The following PIGN variants were observed in gnomAD, a reference collection of about 807,000 sequenced individuals.
PIGN encodes GPI ethanolamine phosphate transferase 1.
PIGN carries 117 observed loss-of-function variants against 125.4 expected under a neutral mutation model. That is an observed-to-expected ratio of 0.93 (90% CI 0.80 to 1.09). The LOEUF (loss-of-function observed/expected upper bound fraction) is 1.09, where lower values mean the gene tolerates loss of function less well. PIGN is among the 50% of genes least tolerant of loss of function. The pLI, the probability that PIGN is intolerant of heterozygous loss-of-function variation, is 0.00. For missense variants in PIGN, 1,075 were observed against 1,094.9 expected, an observed-to-expected ratio of 0.98 and a Z score of 0.26; for synonymous variants, 392 against 377.8, an observed-to-expected ratio of 1.04 and a Z score of -0.44.
At chr18:62,125,332 T>G (rs955406132) in intron 14 of PIGN, among the ~76,000 whole-genome samples, 1 of 152,042 alleles carries the variant, frequency 6.6e-6, no homozygotes, top group Admixed American at 6.6e-5. Context: ...CTTTGTAAGT[T>G]GCATTTTGTT....
intron 30 of PIGN, among the ~76,000 whole-genome samples, chr18:62,054,135 C>T (rs1469505045): frequency 6.6e-6 from 1 of 152,128 alleles, no homozygotes; most frequent in Non-Finnish European, 1.5e-5. Context: ...AAATCTGCAC[C>T]CCATCCCCCT....
chr18:62,086,459 A>G (rs1261102214), intron 25 of PIGN, among the ~76,000 whole-genome samples: 1 of 152,120 alleles, frequency 6.6e-6, no homozygotes, highest in African/African-American at 2.4e-5. Flanking sequence ...TCTACTAAAA[A>G]TACAAAAATT....
chr18:62,182,735 C>A (rs774387436), intron 1 of PIGN, among the ~76,000 whole-genome samples: 7 of 152,154 alleles, frequency 4.6e-5, no homozygotes, highest in Non-Finnish European at 8.8e-5. Context: ...ATAAAACTCT[C>A]CAGTGCCTTC....
intron 25 of PIGN, among the ~76,000 whole-genome samples, chr18:62,087,379 T>C (rs2033756525): frequency 6.6e-6 from 1 of 152,188 alleles, no homozygotes; most frequent in Admixed American, 6.5e-5. Flanking sequence ...TGCAGACCAC[T>C]GACAGTACAA....
At position 62,161,335 on chromosome 18, in the gene PIGN, A is replaced by C; in HGVS notation, c.19T>G (p.Leu7Val). 6.2e-7 allele frequency: 1 copy of C among 1,612,300 alleles called. No individual in the cohort carries two copies. The highest frequency in any genetic ancestry group is 8.5e-7 in the Non-Finnish European group (1 of 1,178,850). Residue 7 changes from leucine to valine, a missense_variant, in exon 4 of 31, where the codon TTG becomes GTG. Physicochemically the swap from Leu to Val is conservative, Grantham distance 32. This residue lies in a region of PIGN where 152 missense variants were observed against 162.9 expected (regional missense o/e 0.93). Coordinates refer to ENST00000640252, the MANE Select transcript of PIGN (RefSeq NM_176787.5). Reference protein sequence around the residue: MLLFFTLGLLIHFVFFA... With the variant: MLLFFTVGLLIHFVFFA... ...AACACAAAATGTATAAGCAATCCCAAAGTAAAGAACAGCAGCATATCCAGT... is the reference window on the plus strand; with the variant it reads ...AACACAAAATGTATAAGCAATCCCACAGTAAAGAACAGCAGCATATCCAGT...
chr18:62,047,522 T>C (rs1196724874), intron 30 of PIGN, among the ~76,000 whole-genome samples: 1 of 152,206 alleles, frequency 6.6e-6, no homozygotes, highest in Non-Finnish European at 1.5e-5. Flanking sequence ...AGGGGACCTC[T>C]GTCTTTCCCA....
chr18:62,140,933 T>G (rs1284640684), intron 11 of PIGN, among the ~76,000 whole-genome samples: 1 of 152,124 alleles, frequency 6.6e-6, no homozygotes, highest in East Asian at 1.9e-4. Flanking sequence ...GAGAAGAGGC[T>G]CTTTAGTCAA....
At chr18:62,038,621 C>CA (rs2030293811), downstream of PIGN, among the ~76,000 whole-genome samples, 1 of 152,144 alleles carries the variant, frequency 6.6e-6, no homozygotes, top group Admixed American at 6.6e-5. Context: ...ACTACACACT[C>CA]ATGTGAGATT....
intron 1 of PIGN, among the ~76,000 whole-genome samples, chr18:62,185,383 C>T (rs1242731502): frequency 2.6e-5 from 4 of 151,872 alleles, no homozygotes; most frequent in Non-Finnish European, 5.9e-5. Flanking sequence ...AACTAATGTC[C>T]TATAAAAAAA....
chr18:62,130,173 G>A (rs1370408961), intron 14 of PIGN, among the ~76,000 whole-genome samples: 22 of 152,108 alleles, frequency 1.4e-4, no homozygotes, highest in Non-Finnish European at 7.4e-5. Context: ...TGGACTCCTA[G>A]CCTTAATTTT....
Position 62,045,951 on chromosome 18 carries a change from T to C in PIGN, c.2701A>G (p.Met901Val), listed in dbSNP as rs771767518. ...SISHYVIVMS[M>V]TIFLVFLNGL... is the part of the protein sequence containing the mutation. ...TTGAGGAACACCAAAAAGATGGTCA[T>C]GGACATGACAATCACATAGTGGCTG... is the stretch of plus-strand genomic sequence containing the variant. Residue 901 changes from methionine (M) to valine (V), a missense_variant, in exon 31 of 31, where the codon ATG becomes GTG. Coordinates refer to ENST00000640252, the MANE Select transcript of PIGN (RefSeq NM_176787.5). The C allele has an allele frequency of 3.7e-6, 6 of 1,613,290 alleles. No individual in the cohort carries two copies. Among genetic ancestry groups the C allele is most frequent in the South Asian group, 3.3e-5 (3 of 90,890 alleles).
At chr18:62,184,461 C>T (rs549155723) in intron 1 of PIGN, 48 of 152,226 alleles carry the variant, frequency 3.2e-4, no homozygotes, top group South Asian at 4.1e-4. Context: ...GTGTGTGTTA[C>T]TTATACATTA....
At chr18:62,128,822 C>A (rs959641515) in intron 14 of PIGN, among the ~76,000 whole-genome samples, 2 of 151,982 alleles carry the variant, frequency 1.3e-5, no homozygotes, top group Admixed American at 1.3e-4. Context: ...AATACATTTT[C>A]TTTAATATAT....
At chr18:62,148,585 T>C (rs2036421252) in intron 7 of PIGN, among the ~76,000 whole-genome samples, 1 of 152,152 alleles carries the variant, frequency 6.6e-6, no homozygotes, top group South Asian at 2.1e-4. Flanking sequence ...GGGATCATAA[T>C]TTCATAGAGA....
chr18:62,122,064 A>T (rs908460089), intron 14 of PIGN, among the ~76,000 whole-genome samples: 1 of 152,172 alleles, frequency 6.6e-6, no homozygotes, highest in Non-Finnish European at 1.5e-5. Context: ...GGCAATGAAG[A>T]GAGGTGGATT....
chr18:62,108,267 G>C (rs926265497), intron 17 of PIGN, among the ~76,000 whole-genome samples: 14 of 152,040 alleles, frequency 9.2e-5, no homozygotes, highest in Non-Finnish European at 2.1e-4. Context: ...CTATCAAAAA[G>C]ATAAAGATAG....
intron 10 of PIGN, among the ~76,000 whole-genome samples, chr18:62,144,046 C>T (rs983066308): frequency 6.6e-5 from 10 of 152,088 alleles, no homozygotes; most frequent in African/African-American, 9.7e-5. Flanking sequence ...TTTAAAAATA[C>T]GTTTCTGACT....
chr18:62,085,998 T>C (rs2033680161), intron 25 of PIGN, among the ~76,000 whole-genome samples: 1 of 152,132 alleles, frequency 6.6e-6, no homozygotes, highest in South Asian at 2.1e-4. Flanking sequence ...AAAGAGGCAT[T>C]TGAGTTGGTG....
intron 25 of PIGN, among the ~76,000 whole-genome samples, chr18:62,086,525 G>C (rs1164753041): frequency 6.6e-6 from 1 of 152,102 alleles, no homozygotes; most frequent in Non-Finnish European, 1.5e-5. Context: ...GCTGAGGCAG[G>C]AGAATCACTT....
Sources: allele counts gnomAD v4.1 joint callset (sites outside exome capture counted in the v4.1 genomes callset), GRCh38; gene constraint gnomAD v4.1.1; regional missense constraint gnomAD v4.1.1; transcripts MANE v1.5; gene names NCBI Gene and HGNC (gene_info 2026-07-23, HGNC 2026-07-21).